Variants in MMAB observed in about 807,000 individuals in gnomAD.
MMAB encodes the protein metabolism of cobalamin associated B.
Under a neutral mutation model 30.6 loss-of-function variants are expected in MMAB, and 17 were observed. The observed-to-expected ratio is 0.56, with a 90% CI of 0.38 to 0.83. The LOEUF (loss-of-function observed/expected upper bound fraction) is 0.83, where lower values mean the gene tolerates loss of function less well. MMAB is among the 40% of genes least tolerant of loss of function. The pLI is 0.00. For missense variants in MMAB, 311 were observed against 331.6 expected, an observed-to-expected ratio of 0.94 and a Z score of 0.48; for synonymous variants, 134 against 138.6, an observed-to-expected ratio of 0.97 and a Z score of 0.23.
chr12:109,560,904 T>C (rs1884165984), intron 7 of MMAB, 136 bp downstream of exon 7: 4 of 871,372 alleles, frequency 4.6e-6, no homozygotes, highest in Non-Finnish European at 7.4e-6. Flanking sequence ...ATGGCCCTGC[T>C]GTACCTGCCT....
intron 2 of MMAB, 109 bp downstream of exon 2, chr12:109,571,540 C>G (rs947229816): frequency 2.9e-6 from 3 of 1,023,094 alleles, no homozygotes; most frequent in Non-Finnish European, 3.0e-6. Flanking sequence ...GCATGAGCCA[C>G]CGCGCCTGGT....
Position 109,561,322 on chromosome 12 carries a change from G to A in MMAB, c.519+98C>T, listed in dbSNP as rs185428244. The A allele has an allele frequency of 1.1e-3, 1,728 of 1,544,392 alleles. 27 individuals carry two copies. In the Admixed American group the frequency reaches 0.03, roughly 27 times the overall value. On this transcript the variant is annotated intron_variant, in intron 6 of 8. Coordinates refer to ENST00000545712, the MANE Select transcript of MMAB (RefSeq NM_052845.4). The surrounding 1 kb of genome is among the most constrained non-coding windows in gnomAD (Gnocchi z 5.3). ...GGGACTTGGGGAACTGGAGGACAGC[G>A]TCTGTCACTGTGAAAAGAGGGATTT...
In MMAB at chr12:109,568,878, G is replaced by C. The variant is rs546939788; in HGVS notation, c.197-15C>G. The C allele has an allele frequency of 8.3e-6, 13 of 1,572,026 alleles. No homozygotes were observed. Among genetic ancestry groups the C allele is most frequent in the Non-Finnish European group, 1.1e-5 (13 of 1,142,276 alleles). Reference sequence around the variant, plus strand: ...ACTAGAAAACCCTGTGGAAAAAAATGTTTAGCCACCCAAATTAAGATTCTG... The same window carrying C: ...ACTAGAAAACCCTGTGGAAAAAAATCTTTAGCCACCCAAATTAAGATTCTG... On this transcript the variant is annotated splice_polypyrimidine_tract_variant and intron_variant, in intron 2 of 8. Coordinates refer to ENST00000545712, the MANE Select transcript of MMAB (RefSeq NM_052845.4).
rs989481968 is a variant in MMAB, at chr12:109,568,694, G to A, written c.290+76C>T. ...CCTCCGAGGCTGCTGCCCAGCATGC[G>A]TGAGAGCTTCACATTCATTACGTTT... is the stretch of plus-strand genomic sequence containing the variant. On this transcript the variant is annotated intron_variant, in intron 3 of 8. Coordinates refer to ENST00000545712, the MANE Select transcript of MMAB (RefSeq NM_052845.4). 16 of 1,154,328 alleles carry A rather than the reference G, an allele frequency of 1.4e-5. No homozygotes were observed. The Middle Eastern group carries it at 7.8e-4, about 56-fold the overall frequency. The allele number at this position is 1,154,328 out of a possible 1,614,324, so 71.5% of individuals were successfully genotyped here.
intron 3 of MMAB, chr12:109,567,281 G>A (rs1884467744): frequency 2.9e-6 from 1 of 345,930 alleles, no homozygotes. Flanking sequence ...CACAAGAACA[G>A]TGAGATGGGA....
chr12:109,566,831 C>T (rs1343824800), intron 3 of MMAB, among the ~76,000 whole-genome samples: 1 of 152,176 alleles, frequency 6.6e-6, no homozygotes, highest in East Asian at 1.9e-4. Flanking sequence ...GACGATGGCT[C>T]GTGTTTTAGA....
intron 4 of MMAB, among the ~76,000 whole-genome samples, chr12:109,562,450 C>T (rs1884248427): frequency 6.6e-6 from 1 of 152,156 alleles, no homozygotes; most frequent in African/African-American, 2.4e-5. Flanking sequence ...GACACCCAGC[C>T]CTGCTGAGGG....
intron 4 of MMAB, among the ~76,000 whole-genome samples, chr12:109,562,779 TG>T (rs1439549394): frequency 1.3e-5 from 2 of 152,208 alleles, no homozygotes; most frequent in African/African-American, 2.4e-5. Flanking sequence ...GAAGCCTGGC[TG>T]GGTGAGGCCT....
Position 109,554,517 on chromosome 12 carries a change from A to G in MMAB, c.*2511T>C. 1 of 454,150 alleles carries G rather than the reference A, an allele frequency of 2.2e-6. No individual in the cohort carries two copies. 28.1% of individuals were successfully genotyped at this position (454,150 alleles called of 1,614,324 possible). ...TTATGAAAAAAATCTACGATAAGCA[A>G]GGGATCACGACTTTAAATAAAAACA... On this transcript the variant is annotated 3_prime_UTR_variant, in exon 9 of 9. Coordinates refer to ENST00000545712, the MANE Select transcript of MMAB (RefSeq NM_052845.4).
At chr12:109,570,008 TC>T in intron 2 of MMAB, 1 of 237,378 alleles carries the variant, frequency 4.2e-6, no homozygotes, top group Non-Finnish European at 8.9e-6. Flanking sequence ...CACACTGTAA[TC>T]CCAGGACTTT....
Position 109,554,119 on chromosome 12 carries a change from CTG to C in MMAB, c.*2907_*2908del, listed in dbSNP as rs1268670111. On this transcript the variant is annotated 3_prime_UTR_variant, in exon 9 of 9. Transcript: ENST00000545712. Reference sequence around the variant, plus strand: ...TGGGTGGGAGCTGAGGAGCACGGGGCTGTGAGTGACGAGGCCGCGTCCGGGGC... The same window carrying C: ...TGGGTGGGAGCTGAGGAGCACGGGGCTGAGTGACGAGGCCGCGTCCGGGGC... 1.3e-5 allele frequency: 6 copies of C among 454,032 alleles called. No individual in the cohort carries two copies. Among genetic ancestry groups the C allele is most frequent in the South Asian group, 4.7e-5 (3 of 64,476 alleles). 28.1% of individuals were successfully genotyped at this position (454,032 alleles called of 1,614,324 possible).
At chr12:109,571,836 T>C (rs1393971308) in intron 1 of MMAB, 126 bp from the exon 2 acceptor site, 1 of 762,426 alleles carries the variant, frequency 1.3e-6, no homozygotes, top group South Asian at 1.4e-5. Flanking sequence ...ACTGCTTAGA[T>C]GGTCATCTCT....
In MMAB at chr12:109,561,759, C is replaced by A; in HGVS notation, c.421+21G>T. The A allele has an allele frequency of 6.3e-7, 1 of 1,597,634 alleles. No individual in the cohort carries two copies. The highest frequency in any genetic ancestry group is 2.3e-5 in the East Asian group (1 of 44,222). On this transcript the variant is annotated intron_variant, in intron 5 of 8. Coordinates refer to ENST00000545712, the MANE Select transcript of MMAB (RefSeq NM_052845.4). The surrounding 1 kb of genome is among the most constrained non-coding windows in gnomAD (Gnocchi z 5.3). ...CCTGACCCTAGGGCCCTCTGAACAC[C>A]CACAGGAGTTTGAGAATTACTTAAG...
chr12:109,562,699 T>G (rs1396515293), intron 4 of MMAB, among the ~76,000 whole-genome samples: 1 of 152,206 alleles, frequency 6.6e-6, no homozygotes, highest in African/African-American at 2.4e-5. Flanking sequence ...TGACAGTGCT[T>G]TCTAAACTCT....
Position 109,556,392 on chromosome 12 carries a change from C to T in MMAB, c.*636G>A, listed in dbSNP as rs1408285351. ...CAGAGGGGGTCCTCTAAGCTGCACC[C>T]CCATCACACACACTTCAATCTAAGC... On this transcript the variant is annotated 3_prime_UTR_variant, in exon 9 of 9. Coordinates refer to ENST00000545712, the MANE Select transcript of MMAB (RefSeq NM_052845.4). The T allele has an allele frequency of 2.2e-6, 1 of 454,056 alleles. No homozygotes were observed. Among genetic ancestry groups the T allele is most frequent in the Non-Finnish European group, 4.4e-6 (1 of 226,792 alleles). The allele number at this position is 454,056 out of a possible 1,614,324, so 28.1% of individuals were successfully genotyped here. A position where few individuals can be genotyped will look rare whatever the true frequency, so the allele number is the denominator to read the frequency against.
rs72650194 is a variant in MMAB at position 109,566,951 on chromosome 12, C to T, written c.291-1775G>A. The T allele has an allele frequency of 4.9e-3, 2,222 of 455,792 alleles. 17 individuals carry two copies. The highest frequency in any genetic ancestry group is 7.2e-3 in the Non-Finnish European group (1,644 of 226,942). The allele number at this position is 455,792 out of a possible 1,614,324, so 28.2% of individuals were successfully genotyped here. The stretch of plus-strand genomic sequence containing the variant: ...CCACACACACCAAGGGGTTTGTTTG[C>T]CTTCTCTACCCGGCTGGCTGACTAT... On this transcript the variant is annotated intron_variant, in intron 3 of 8. Transcript: ENST00000545712.
rs374802787 is a variant in MMAB at position 109,573,429 on chromosome 12, G to A, written c.52C>T (p.Leu18=). ...SRLGLGSRLG[L]RGCFGAARLL... The stretch of plus-strand genomic sequence containing the variant: ...CTGGCGGCGCCGAAGCACCCGCGCA[G>A]GCCAAGACGGCTCCCCAGGCCAAGA... Residue 18 remains leucine, a synonymous_variant, in exon 1 of 9, where the codon CTG becomes TTG. Transcript: ENST00000545712. 6.8e-6 allele frequency: 11 copies of A among 1,607,134 alleles called. No homozygotes were observed. Among genetic ancestry groups the A allele is most frequent in the Non-Finnish European group, 9.3e-6 (11 of 1,177,798 alleles).
chr12:109,568,481 C>A, intron 3 of MMAB: 1 of 551,234 alleles, frequency 1.8e-6, no homozygotes. Context: ...AGTATACTAA[C>A]CTCAGTGGCA....
chr12:109,567,220 G>A (rs773336171), intron 3 of MMAB: 25 of 373,340 alleles, frequency 6.7e-5, no homozygotes, highest in African/African-American at 1.1e-4. Context: ...ATTTTTACTT[G>A]TGCTAGGCAC....
Sources: gnomAD v4.1 joint callset for allele counts (sites outside exome capture counted in the v4.1 genomes callset) on GRCh38, gnomAD v4.1.1 for gene constraint, Gnocchi (gnomAD v3.1) non-coding constraint, MANE v1.5 for transcripts, NCBI Gene and HGNC (gene_info 2026-07-23, HGNC 2026-07-21) for gene names.